RBFOX3: variants seen among roughly 807,000 people sequenced by gnomAD.
RBFOX3 encodes the protein RNA binding protein fox-1 homolog 3.
Under a neutral mutation model 48.7 loss-of-function variants are expected in RBFOX3, and 17 were observed. The observed-to-expected ratio is 0.35, with a 90% CI of 0.24 to 0.52. RBFOX3 has a LOEUF of 0.52. Among genes scored for constraint, RBFOX3 ranks in the 20% least tolerant of loss-of-function variants. The pLI, the probability that RBFOX3 is intolerant of heterozygous loss-of-function variation, is 0.94. For synonymous variants in RBFOX3, 212 were observed against 209.5 expected, an observed-to-expected ratio of 1.01 and a Z score of -0.10; for missense variants, 382 against 497.5, an observed-to-expected ratio of 0.77 and a Z score of 2.21.
chr17:79,094,682 C>T (rs1372406854), intron 13 of RBFOX3, among the ~76,000 whole-genome samples, 153 bp from the exon 14 acceptor site: 2 of 151,544 alleles, frequency 1.3e-5, no homozygotes, highest in Non-Finnish European at 2.9e-5. Context: ...GCAAGGCCTG[C>T]AAGGCCTACC....
chr17:79,406,877 TGGC>T (rs1346303699), intron 2 of RBFOX3, among the ~76,000 whole-genome samples: 1 of 152,206 alleles, frequency 6.6e-6, no homozygotes, highest in Non-Finnish European at 1.5e-5. Context: ...TACCCGAAGC[TGGC>T]TCCAGACTCC....
At chr17:79,562,593 A>G (rs1330961115) in intron 1 of RBFOX3, among the ~76,000 whole-genome samples, 3 of 152,154 alleles carry the variant, frequency 2.0e-5, no homozygotes, top group Non-Finnish European at 4.4e-5. Context: ...TTTTATACAC[A>G]TGACGTCCCC....
intron 1 of RBFOX3, among the ~76,000 whole-genome samples, chr17:79,574,498 T>G (rs1236337009): frequency 2.6e-5 from 4 of 152,120 alleles, no homozygotes; most frequent in African/African-American, 9.7e-5. Context: ...CCATGACAGT[T>G]TACAAATGCC....
intron 2 of RBFOX3, among the ~76,000 whole-genome samples, chr17:79,461,041 C>T (rs1016949300): frequency 3.3e-5 from 5 of 152,192 alleles, no homozygotes; most frequent in African/African-American, 4.8e-5. Flanking sequence ...ACTCAAAAGC[C>T]TTTCCACTGG....
intron 3 of RBFOX3, among the ~76,000 whole-genome samples, chr17:79,264,090 G>T (rs2066260598): frequency 7.0e-6 from 1 of 142,740 alleles, no homozygotes. Context: ...AGCCCTGTTG[G>T]CATCTTTTTT....
intron 2 of RBFOX3, among the ~76,000 whole-genome samples, chr17:79,356,361 T>TG (rs1568100899): frequency 1.8e-4 from 10 of 56,180 alleles, no homozygotes; most frequent in East Asian, 8.3e-4. Context: ...TTTTTTTTTT[T>TG]TTTTTTTTTT....
rs533044021 is a variant in RBFOX3, at chr17:79,378,020, A to G, written c.-174-70196T>C. ...TAGGAATATATTCATTTTTATACCA[A>G]TGCAGTCACAAACTATAATATTTCT... is the stretch of plus-strand genomic sequence containing the variant. On this transcript the variant is annotated intron_variant, in intron 2 of 14. Coordinates refer to ENST00000693108, the MANE Select transcript of RBFOX3 (RefSeq NM_001350451.2). Among the ~76,000 whole-genome samples the G allele has an allele frequency of 2.0e-5, 3 of 152,346 alleles. No homozygotes were observed. In the South Asian group the frequency reaches 6.2e-4, roughly 32 times the overall value.
chr17:79,415,711 C>A (rs183162625), intron 2 of RBFOX3, among the ~76,000 whole-genome samples: 1 of 152,166 alleles, frequency 6.6e-6, no homozygotes, highest in Non-Finnish European at 1.5e-5. Context: ...GGGGCTGGGG[C>A]GGAGTCGGCT....
intron 4 of RBFOX3, among the ~76,000 whole-genome samples, chr17:79,232,234 C>G (rs969960287): frequency 1.3e-5 from 2 of 152,160 alleles, no homozygotes; most frequent in African/African-American, 4.8e-5. Flanking sequence ...CAATCCCGAT[C>G]AAAATCCCAG....
chr17:79,128,729 C>T (rs1174289187), intron 4 of RBFOX3, among the ~76,000 whole-genome samples: 1 of 152,202 alleles, frequency 6.6e-6, no homozygotes, highest in East Asian at 1.9e-4. Flanking sequence ...CCTGTGGGGA[C>T]TCCTGCTGTG....
intron 4 of RBFOX3, among the ~76,000 whole-genome samples, chr17:79,150,021 T>G (rs1346573681): frequency 7.0e-4 from 9 of 12,770 alleles, no homozygotes; most frequent in Admixed American, 1.1e-3. Flanking sequence ...GGGATGGGGG[T>G]TGAGGGTGGG....
At position 79,471,258 on chromosome 17, in the gene RBFOX3, G is replaced by T. The variant is rs1052004168; in HGVS notation, c.-175+11196C>A. Among the ~76,000 whole-genome samples, 2 of 152,148 alleles carry T rather than the reference G, an allele frequency of 1.3e-5. No individual in the cohort carries two copies. The highest frequency in any genetic ancestry group is 2.9e-5 in the Non-Finnish European group (2 of 68,026). On this transcript the variant is annotated intron_variant, in intron 2 of 14. Coordinates refer to ENST00000693108, the MANE Select transcript of RBFOX3 (RefSeq NM_001350451.2). This position sits in a 1 kb window ranked among gnomAD's most constrained non-coding sequence, Gnocchi z 4.0. ...GTGGCTCTCAGCTCATGGAAAGCGG[G>T]GTACGTGACCAGCACTGGCCAGGGT... is the stretch of plus-strand genomic sequence containing the variant.
intron 1 of RBFOX3, among the ~76,000 whole-genome samples, chr17:79,498,256 C>T (rs912948783): frequency 3.3e-5 from 5 of 152,102 alleles, no homozygotes; most frequent in East Asian, 1.9e-4. Context: ...TTTCCTTTTG[C>T]GCTCCTTTGG....
At chr17:79,092,426 A>G (rs1674057917) in intron 14 of RBFOX3, 1 of 985,652 alleles carries the variant, frequency 1.0e-6, no homozygotes, top group Admixed American at 6.1e-5. Context: ...GGGGAGACCA[A>G]CTGGCTGGAG....
intron 1 of RBFOX3, among the ~76,000 whole-genome samples, chr17:79,572,949 G>T (rs1309846458): frequency 4.6e-5 from 7 of 151,914 alleles, no homozygotes; most frequent in Non-Finnish European, 8.8e-5. Context: ...ATTCCAGAGA[G>T]AAGACAAAAC....
intron 3 of RBFOX3, among the ~76,000 whole-genome samples, chr17:79,302,784 G>A (rs777403891): frequency 1.3e-5 from 2 of 152,196 alleles, no homozygotes; most frequent in Non-Finnish European, 2.9e-5. Flanking sequence ...GGTAGTAGTT[G>A]GGATGCCTTT....
At chr17:79,544,881 C>T (rs1340875476) in intron 1 of RBFOX3, among the ~76,000 whole-genome samples, 5 of 151,322 alleles carry the variant, frequency 3.3e-5, no homozygotes, top group South Asian at 2.1e-4. Flanking sequence ...GCACCCCAAA[C>T]TCAAACACCG....
chr17:79,116,858 C>G (rs1568161585), intron 4 of RBFOX3, among the ~76,000 whole-genome samples: 1 of 152,264 alleles, frequency 6.6e-6, no homozygotes, highest in African/African-American at 2.4e-5. Flanking sequence ...CAGTGGTTGT[C>G]AAAGTGGCCT....
intron 3 of RBFOX3, among the ~76,000 whole-genome samples, chr17:79,247,850 C>G (rs73416005): frequency 0.073 from 11,088 of 152,226 alleles, 421 homozygotes; most frequent in South Asian, 0.11. Flanking sequence ...TACTCAACAT[C>G]GAAGTGCCTC....
Sources: gnomAD v4.1 joint callset for allele counts (sites outside exome capture counted in the v4.1 genomes callset) on GRCh38, gnomAD v4.1.1 for gene constraint, Gnocchi (gnomAD v3.1) non-coding constraint, MANE v1.5 for transcripts, NCBI Gene and HGNC (gene_info 2026-07-23, HGNC 2026-07-21) for gene names.